The following CCDC13 variants were observed in gnomAD, a reference collection of about 807,000 sequenced individuals.
CCDC13 encodes the protein coiled-coil domain containing 13, also known as coiled-coil domain-containing protein 13.
In CCDC13, 70 loss-of-function variants were observed where a neutral mutation model predicts 87.3. That is an observed-to-expected ratio of 0.80 (90% CI 0.66 to 0.98). CCDC13 has a LOEUF of 0.98. Among genes scored for constraint, CCDC13 ranks in the 50% least tolerant of loss-of-function variants. The pLI, the probability that CCDC13 is intolerant of heterozygous loss-of-function variation, is 0.00. For missense variants in CCDC13, 842 were observed against 892.0 expected (o/e 0.94, Z 0.71); for synonymous variants, 317 against 360.3 (o/e 0.88, Z 1.36).
chr3:42,769,657 T>C (rs528908711), intron 1 of CCDC13, among the ~76,000 whole-genome samples: 1 of 152,358 alleles, frequency 6.6e-6, no homozygotes, highest in South Asian at 2.1e-4. Flanking sequence ...TGGGAGACCC[T>C]CTCTGGGCTG....
At chr3:42,745,113 A>C (rs1401959374) in intron 7 of CCDC13, 1 of 152,136 alleles carries the variant, frequency 6.6e-6, no homozygotes, top group Non-Finnish European at 1.5e-5. Flanking sequence ...CCCATGGGAG[A>C]CACTGAAGAT....
intron 1 of CCDC13, among the ~76,000 whole-genome samples, chr3:42,772,530 C>T (rs181011749): frequency 5.3e-5 from 8 of 152,228 alleles, no homozygotes; most frequent in African/African-American, 1.4e-4. Context: ...CCTTCTCTTT[C>T]TTCTTTTCTT....
In CCDC13 at chr3:42,713,304, G is replaced by T. The variant is rs1008077145; in HGVS notation, c.1731C>A (p.Ser577Arg). 7 of 1,613,980 alleles carry T rather than the reference G, an allele frequency of 4.3e-6. No individual in the cohort carries two copies. The highest frequency in any genetic ancestry group is 5.9e-6 in the Non-Finnish European group (7 of 1,179,958). The change falls in exon 14 of 16, where the codon AGC becomes AGA. Residue 577 changes from serine (S) to arginine (R), a missense_variant. Coordinates refer to ENST00000310232, the MANE Select transcript of CCDC13 (RefSeq NM_144719.4). ...TCTCTGACTCCAGGAGCTTGCTGTT[G>T]CTCTCCTCCACCCTGGTGATTAGAG... is the stretch of plus-strand genomic sequence containing the variant. Reference protein sequence around the residue: ...VTVLQKRVEESNSKLLESERK... With the variant: ...VTVLQKRVEERNSKLLESERK...
Position 42,708,708 on chromosome 3 carries a change from A to T in CCDC13, c.*272T>A. On this transcript the variant is annotated 3_prime_UTR_variant, in exon 16 of 16. Coordinates refer to ENST00000310232, the MANE Select transcript of CCDC13 (RefSeq NM_144719.4). ...ATTCACAGCCGCCTTGCCATCCCAG[A>T]GCTCTCGCCTCTGCCAGTGGGCTGC... 1 of 363,460 alleles carries T rather than the reference A, an allele frequency of 2.8e-6. No individual in the cohort carries two copies. Among genetic ancestry groups the T allele is most frequent in the Non-Finnish European group, 4.9e-6 (1 of 203,742 alleles). 22.5% of individuals were successfully genotyped at this position (363,460 alleles called of 1,614,324 possible).
intron 10 of CCDC13, among the ~76,000 whole-genome samples, chr3:42,734,891 T>C (rs138346759): frequency 1.5e-3 from 235 of 152,314 alleles, no homozygotes; most frequent in Middle Eastern, 6.8e-3. Context: ...AGACAAAATA[T>C]CTTTACAAGC....
At chr3:42,705,602 A>C (rs1310201364), downstream of CCDC13, among the ~76,000 whole-genome samples, 3 of 151,830 alleles carry the variant, frequency 2.0e-5, no homozygotes, top group African/African-American at 7.3e-5. Flanking sequence ...GGGCACCTGC[A>C]CCCTCCCCTC....
At chr3:42,714,628 C>A (rs1698389224) in intron 13 of CCDC13, among the ~76,000 whole-genome samples, 1 of 152,156 alleles carries the variant, frequency 6.6e-6, no homozygotes, top group Admixed American at 6.5e-5. Context: ...GAGATCTAAC[C>A]CAAGCCAAGA....
intron 15 of CCDC13, 40 bp from the exon 16 acceptor site, chr3:42,709,179 C>T (rs1226461066): frequency 1.3e-6 from 2 of 1,575,296 alleles, no homozygotes; most frequent in African/African-American, 1.4e-5. Context: ...GCTGGAGCTG[C>T]ACACAGGTGT....
intron 13 of CCDC13, among the ~76,000 whole-genome samples, chr3:42,726,703 T>C (rs879573386): frequency 1.3e-5 from 2 of 151,222 alleles, no homozygotes; most frequent in Non-Finnish European, 3.0e-5. Context: ...CATACAAATA[T>C]ACACACATAT....
intron 7 of CCDC13, 34 bp downstream of exon 7, chr3:42,745,889 G>C: frequency 6.5e-7 from 1 of 1,548,920 alleles, no homozygotes; most frequent in Non-Finnish European, 8.9e-7. Context: ...TAAATCCTTT[G>C]TTCAGGCCAG....
At chr3:42,723,537 C>T (rs1698615339) in intron 13 of CCDC13, among the ~76,000 whole-genome samples, 1 of 151,970 alleles carries the variant, frequency 6.6e-6, no homozygotes, top group African/African-American at 2.4e-5. Flanking sequence ...ATTCTGCCTA[C>T]CACAGTAAAA....
intron 1 of CCDC13, among the ~76,000 whole-genome samples, chr3:42,768,812 G>A (rs887821457): frequency 2.0e-5 from 3 of 151,972 alleles, no homozygotes; most frequent in Non-Finnish European, 4.4e-5. Context: ...AAAGAATTCT[G>A]ATAACTTAAT....
At chr3:42,732,791 G>T (rs1698875411) in intron 12 of CCDC13, 96 bp downstream of exon 12, 1 of 1,090,026 alleles carries the variant, frequency 9.2e-7, no homozygotes, top group African/African-American at 1.6e-5. Flanking sequence ...ACTTTGCCTG[G>T]CCTCAGTTTC....
In CCDC13 at chr3:42,758,132, C is replaced by T. The variant is rs140850059; in HGVS notation, c.214G>A (p.Glu72Lys). The change falls in exon 2 of 16, where the codon GAG becomes AAG. Residue 72 changes from glutamate (E) to lysine (K), a missense_variant. Physicochemically the swap from Glu to Lys is moderately conservative, Grantham distance 56. Transcript: ENST00000310232. ...AGEPNSKNSF[E>K]KRVLEDEIEH... is the part of the protein sequence containing the mutation. The stretch of plus-strand genomic sequence containing the variant: ...TTTCAAACTTGCATTTACCTCTTCT[C>T]AAAGCTATTTTTCGAGTTTGGCTCC... The T allele has an allele frequency of 6.2e-7, 1 of 1,613,630 alleles. No individual in the cohort carries two copies.
At chr3:42,732,850 A>G (rs756230729) in intron 12 of CCDC13, 37 bp downstream of exon 12, 1 of 1,526,230 alleles carries the variant, frequency 6.6e-7, no homozygotes, top group South Asian at 1.2e-5. Flanking sequence ...CAAGAATGGG[A>G]AAAAACTGTG....
intron 1 of CCDC13, among the ~76,000 whole-genome samples, chr3:42,771,817 T>C (rs1219375271): frequency 1.3e-5 from 2 of 152,144 alleles, no homozygotes; most frequent in African/African-American, 4.8e-5. Context: ...CTTTAGTTAG[T>C]AATAACATAC....
At position 42,706,283 on chromosome 3, in the gene CCDC13, G is replaced by C. The variant is rs764516082; in HGVS notation, c.*2697C>G. ...CCAGGGACTGTGTTTGCCTCACCTC[G>C]GCACCTCTGTGCCTGGGGCAGAGGA... On this transcript the variant is annotated 3_prime_UTR_variant, in exon 16 of 16. Coordinates refer to ENST00000310232, the MANE Select transcript of CCDC13 (RefSeq NM_144719.4). The C allele has an allele frequency of 8.5e-5, 13 of 152,264 alleles. No individual in the cohort carries two copies. Among genetic ancestry groups the C allele is most frequent in the Non-Finnish European group, 1.6e-4 (11 of 68,060 alleles). 9.4% of individuals were successfully genotyped at this position (152,264 alleles called of 1,614,324 possible).
intron 7 of CCDC13, 100 bp downstream of exon 7, chr3:42,745,823 G>A: frequency 5.9e-6 from 5 of 853,680 alleles, no homozygotes; most frequent in Middle Eastern, 5.6e-4. Flanking sequence ...GGCCTTTTTT[G>A]GGTACTGTGT....
intron 13 of CCDC13, among the ~76,000 whole-genome samples, chr3:42,722,432 C>T (rs1323289402): frequency 6.6e-6 from 1 of 152,184 alleles, no homozygotes; most frequent in East Asian, 1.9e-4. Flanking sequence ...GGGCTGCATT[C>T]CCAGATGGTT....
Sources: gnomAD v4.1 joint callset for allele counts (sites outside exome capture counted in the v4.1 genomes callset) on GRCh38, gnomAD v4.1.1 for gene constraint, MANE v1.5 for transcripts, NCBI Gene and HGNC (gene_info 2026-07-23, HGNC 2026-07-21) for gene names.